MIPEP: variants seen among roughly 807,000 people sequenced by gnomAD.
MIPEP encodes the protein mitochondrial intermediate peptidase.
In MIPEP, 79 loss-of-function variants were observed where a neutral mutation model predicts 90.3. The ratio of observed to expected loss-of-function variants is 0.87; its 90% CI spans 0.73 to 1.05. MIPEP has a LOEUF of 1.05. Among genes scored for constraint, MIPEP ranks in the 50% least tolerant of loss-of-function variants. MIPEP has a pLI of 0.00. For missense variants in MIPEP, 940 were observed against 905.6 expected (o/e 1.04, Z -0.49); for synonymous variants, 334 against 315.8 (o/e 1.06, Z -0.61).
intron 14 of MIPEP, among the ~76,000 whole-genome samples, chr13:23,810,423 C>T (rs1033162269): frequency 1.3e-5 from 2 of 152,156 alleles, no homozygotes; most frequent in African/African-American, 2.4e-5. Context: ...ATTTTCTTTT[C>T]GAATCTGAAA....
intron 14 of MIPEP, among the ~76,000 whole-genome samples, chr13:23,811,232 C>T (rs1251882000): frequency 6.6e-6 from 1 of 152,284 alleles, no homozygotes; most frequent in East Asian, 1.9e-4. Context: ...ATTTTTCATG[C>T]TTCACCAAGT....
Position 23,856,196 on chromosome 13 carries a change from A to AG in MIPEP, c.1106+2663dup, listed in dbSNP as rs1350437104. On this transcript the variant is annotated intron_variant, in intron 10 of 18. Coordinates refer to ENST00000382172, the MANE Select transcript of MIPEP (RefSeq NM_005932.4). ...GCGGAGCCAGGAGCTACACAAGGCT[A>AG]GTGCAGACTCAGCAGCTTCATGGAC... Among the ~76,000 whole-genome samples the AG allele has an allele frequency of 5.9e-5, 9 of 152,246 alleles. 1 individual carries two copies. The highest frequency in any genetic ancestry group is 1.7e-4 in the African/African-American group (7 of 41,468).
At chr13:23,733,776 C>T (rs897375750) in intron 18 of MIPEP, among the ~76,000 whole-genome samples, 2 of 152,298 alleles carry the variant, frequency 1.3e-5, no homozygotes, top group African/African-American at 4.8e-5. Context: ...CACTGGCTAT[C>T]TAATGTCTAT....
intron 7 of MIPEP, among the ~76,000 whole-genome samples, chr13:23,865,593 A>G (rs1006067131): frequency 2.0e-5 from 3 of 151,948 alleles, no homozygotes; most frequent in Non-Finnish European, 4.4e-5. Context: ...TATACGTTTT[A>G]TTTCTTAATA....
intron 16 of MIPEP, among the ~76,000 whole-genome samples, chr13:23,793,027 A>G (rs11148889): frequency 0.75 from 113,747 of 152,066 alleles, 43,588 homozygotes; most frequent in Non-Finnish European, 0.83. Context: ...ACTCATGATG[A>G]TCACTTTGAA....
chr13:23,813,469 T>C (rs777143879), intron 14 of MIPEP, among the ~76,000 whole-genome samples: 31 of 152,194 alleles, frequency 2.0e-4, no homozygotes, highest in Non-Finnish European at 2.4e-4. Flanking sequence ...TTATAGTGTA[T>C]GTTTTAGAAA....
In MIPEP at chr13:23,862,284, A is replaced by G. The variant is rs1375021158; in HGVS notation, c.1053+18T>C. ...ACAGACTGTCTATATTATAATAAAAATATTCCAACATACTTACGGAATTTT... is the reference window on the plus strand; with the variant it reads ...ACAGACTGTCTATATTATAATAAAAGTATTCCAACATACTTACGGAATTTT... On this transcript the variant is annotated intron_variant, in intron 9 of 18. Coordinates refer to ENST00000382172, the MANE Select transcript of MIPEP (RefSeq NM_005932.4). 2.8e-6 allele frequency: 4 copies of G among 1,439,938 alleles called. No individual in the cohort carries two copies. The Admixed American group carries it at 7.4e-5, about 27-fold the overall frequency. The allele number at this position is 1,439,938 out of a possible 1,614,324, so 89.2% of individuals were successfully genotyped here.
At chr13:23,802,828 T>C (rs555321870) in intron 16 of MIPEP, among the ~76,000 whole-genome samples, 1 of 152,316 alleles carries the variant, frequency 6.6e-6, no homozygotes, top group African/African-American at 2.4e-5. Flanking sequence ...ACATGAGATA[T>C]TCAACACTTT....
rs140819785 is a variant in MIPEP at position 23,818,180 on chromosome 13, G to C, written c.1654-8256C>G. Among the ~76,000 whole-genome samples the C allele has an allele frequency of 3.6e-4, 55 of 152,212 alleles. No homozygotes were observed. The East Asian group carries it at 7.5e-3, about 21-fold the overall frequency. ...TCCTGTAATCCCAGCACTTTGGAAG[G>C]CTGAGGCAAGCTGATCACTTGAGGT... On this transcript the variant is annotated intron_variant, in intron 14 of 18. Transcript: ENST00000382172.
At chr13:23,878,910 T>C (rs997415754) in intron 4 of MIPEP, among the ~76,000 whole-genome samples, 1 of 152,184 alleles carries the variant, frequency 6.6e-6, no homozygotes, top group Admixed American at 6.5e-5. Flanking sequence ...CCACATGCCA[T>C]GAATGTGTAG....
intron 16 of MIPEP, among the ~76,000 whole-genome samples, chr13:23,767,153 C>T (rs1297615319): frequency 6.6e-6 from 1 of 152,142 alleles, no homozygotes; most frequent in African/African-American, 2.4e-5. Context: ...AGCCAAGCTC[C>T]CAGATGAGAC....
intron 16 of MIPEP, among the ~76,000 whole-genome samples, chr13:23,803,611 T>C (rs1953073422): frequency 6.6e-6 from 1 of 152,172 alleles, no homozygotes; most frequent in Non-Finnish European, 1.5e-5. Flanking sequence ...TGAGAGTCTA[T>C]TAATTTGCTG....
chr13:23,791,496 C>T (rs1246143511), intron 16 of MIPEP, among the ~76,000 whole-genome samples: 2 of 152,152 alleles, frequency 1.3e-5, no homozygotes, highest in Non-Finnish European at 2.9e-5. Context: ...TTCCACAACA[C>T]CATCTACCCA....
intron 4 of MIPEP, among the ~76,000 whole-genome samples, chr13:23,879,033 G>A (rs186600493): frequency 6.6e-6 from 1 of 152,188 alleles, no homozygotes; most frequent in African/African-American, 2.4e-5. Flanking sequence ...TGGAAGGAAC[G>A]AGGGCTATGA....
intron 10 of MIPEP, among the ~76,000 whole-genome samples, chr13:23,843,046 C>T (rs1399443699): frequency 7.3e-6 from 1 of 136,186 alleles, no homozygotes; most frequent in African/African-American, 2.9e-5. Context: ...GAGTGAGCCA[C>T]GATTGTGCCA....
In MIPEP at chr13:23,882,519, C is replaced by T. The variant is rs61089467; in HGVS notation, c.364-732G>A. On this transcript the variant is annotated intron_variant, in intron 2 of 18. Coordinates refer to ENST00000382172, the MANE Select transcript of MIPEP (RefSeq NM_005932.4). Reference sequence around the variant, plus strand: ...AGTCTCCATGTAATACTGTATACAGCTACTACTGCTGCTGCTACTTAAGTC... The same window carrying T: ...AGTCTCCATGTAATACTGTATACAGTTACTACTGCTGCTGCTACTTAAGTC... Among the ~76,000 whole-genome samples the T allele has an allele frequency of 0.025, 3,820 of 152,218 alleles. 367 individuals are homozygous for T. In the East Asian group the frequency reaches 0.34, roughly 14 times the overall value.
intron 16 of MIPEP, among the ~76,000 whole-genome samples, chr13:23,774,135 T>G (rs1671828502): frequency 6.6e-6 from 1 of 152,228 alleles, no homozygotes; most frequent in Non-Finnish European, 1.5e-5. Flanking sequence ...AATTTCATTC[T>G]TTTGCATGTG....
intron 18 of MIPEP, among the ~76,000 whole-genome samples, chr13:23,750,267 TTAGTCAGA>T (rs1290423738): frequency 6.6e-6 from 1 of 152,154 alleles, no homozygotes; most frequent in Non-Finnish European, 1.5e-5. Context: ...CAGCTACACT[TTAGTCAGA>T]TTGCCCTGGT....
intron 16 of MIPEP, among the ~76,000 whole-genome samples, chr13:23,767,284 A>G (rs1339107708): frequency 2.0e-5 from 3 of 152,152 alleles, no homozygotes; most frequent in African/African-American, 7.2e-5. Context: ...AAGCCACTAC[A>G]TTTGTAGAAA....
Sources: allele counts gnomAD v4.1 joint callset (sites outside exome capture counted in the v4.1 genomes callset), GRCh38; gene constraint gnomAD v4.1.1; transcripts MANE v1.5; gene names NCBI Gene and HGNC (gene_info 2026-07-23, HGNC 2026-07-21).